Variants in RAET1E observed in about 807,000 individuals in gnomAD.
RAET1E encodes NKG2D ligand 4.
In RAET1E, 27 loss-of-function variants were observed where a neutral mutation model predicts 21.1. The observed-to-expected ratio is 1.28, with a 90% confidence interval of 0.94 to 1.76. The LOEUF is 1.76. RAET1E is among the 40% of genes most tolerant of loss of function. The probability of loss-of-function intolerance (pLI) is 0.00; values close to 1 mark genes in which losing one functional copy is unlikely to be tolerated. For missense variants in RAET1E, 310 were observed against 311.3 expected, an observed-to-expected ratio of 1.00 and a Z score of 0.03; for synonymous variants, 113 against 115.0, an observed-to-expected ratio of 0.98 and a Z score of 0.11.
chr6:149,897,236 C>T (rs968284782), intron 1 of RAET1E, among the ~76,000 whole-genome samples: 25 of 152,054 alleles, frequency 1.6e-4, no homozygotes, highest in African/African-American at 3.6e-4. Context: ...GGTCTCATCA[C>T]GTTGCCCAGG....
chr6:149,894,171 C>A (rs1778022843), intron 2 of RAET1E, among the ~76,000 whole-genome samples: 1 of 152,040 alleles, frequency 6.6e-6, no homozygotes, highest in Non-Finnish European at 1.5e-5. Flanking sequence ...TGTGTCTCTG[C>A]CAGGTTTTGG....
chr6:149,891,316 C>T (rs531255818), intron 2 of RAET1E, among the ~76,000 whole-genome samples: 137 of 152,124 alleles, frequency 9.0e-4, no homozygotes, highest in Non-Finnish European at 1.1e-3. Flanking sequence ...GTACCCCCTG[C>T]CCATTCCTGT....
intron 2 of RAET1E, among the ~76,000 whole-genome samples, chr6:149,891,715 C>T (rs905587795): frequency 3.9e-5 from 6 of 151,934 alleles, no homozygotes; most frequent in Non-Finnish European, 4.4e-5. Flanking sequence ...AGTAAGACTC[C>T]ATCTCTACAA....
Position 149,890,819 on chromosome 6 carries a change from A to G in RAET1E, c.83T>C (p.Val28Ala), listed in dbSNP as rs1777859217. The G allele has an allele frequency of 6.2e-7, 1 of 1,610,598 alleles. No individual in the cohort carries two copies. Among genetic ancestry groups the G allele is most frequent in the Admixed American group, 1.7e-5 (1 of 60,006 alleles). ...LLLLIALEIM[V>A]GGHSLCFNFT... The stretch of plus-strand genomic sequence containing the variant: ...GTTCTTGTGCTCAGGACACTCACCA[A>G]CCATGATCTCCAAGGCTATTAGTAG... Residue 28 changes from valine to alanine, a missense_variant and splice_region_variant, in exon 3 of 6, where the codon GTT becomes GCT. Transcript: ENST00000357183.
At position 149,889,433 on chromosome 6, in the gene RAET1E, C is replaced by CT. The variant is rs1562464769; in HGVS notation, c.536dup (p.Tyr180ValfsTer43). ...CTCCCTTTGAGAGCTTCCTGAAATA[C>CT]TTTTCCAGCCCTCTGTCTTTCTTCC... On this transcript the variant is annotated frameshift_variant, in exon 5 of 6. Coordinates refer to ENST00000357183, the MANE Select transcript of RAET1E (RefSeq NM_001394057.1). LOFTEE classifies it high-confidence loss of function. The CT allele has an allele frequency of 5.6e-6, 9 of 1,614,216 alleles. No individual in the cohort carries two copies. The highest frequency in any genetic ancestry group is 7.6e-6 in the Non-Finnish European group (9 of 1,180,044).
chr6:149,891,806 G>A (rs2115515094), intron 2 of RAET1E, among the ~76,000 whole-genome samples: 1 of 152,138 alleles, frequency 6.6e-6, no homozygotes, highest in African/African-American at 2.4e-5. Flanking sequence ...GTATATACGT[G>A]CCCTGGTAGT....
intron 5 of RAET1E, 69 bp from the exon 6 acceptor site, chr6:149,888,736 T>C (rs1582766372): frequency 6.6e-7 from 1 of 1,508,526 alleles, no homozygotes; most frequent in East Asian, 2.4e-5. Flanking sequence ...CATAAAAATA[T>C]GCTTTCCTTA....
rs1308105268 is a variant in RAET1E at position 149,889,970 on chromosome 6, C to G, written c.261G>C (p.Trp87Cys). Residue 87 changes from tryptophan to cysteine, a missense_variant, in exon 4 of 6, where the codon TGG (tryptophan) becomes TGC (cysteine). Coordinates refer to ENST00000357183, the MANE Select transcript of RAET1E (RefSeq NM_001394057.1). ...LGKKVYATST[W>C]GELTQTLGEV... ...CTCCCAGCGTTTGGGTCAATTCTCC[C>G]CAAGTGCTGGTGGCATATACCTTCT... 2 of 1,614,022 alleles carry G rather than the reference C, an allele frequency of 1.2e-6. No homozygotes were observed. Among genetic ancestry groups the G allele is most frequent in the South Asian group, 2.2e-5 (2 of 91,082 alleles).
chr6:149,889,720 T>C (rs1478069774), intron 4 of RAET1E, 97 bp from the exon 5 acceptor site: 1 of 1,520,192 alleles, frequency 6.6e-7, no homozygotes, highest in Non-Finnish European at 9.0e-7. Flanking sequence ...GGGGTCTGTA[T>C]TCTTTCTGCC....
In RAET1E at chr6:149,887,544, A is replaced by G. The variant is rs1319517794; in HGVS notation, c.*954T>C. Among the ~76,000 whole-genome samples, 2 of 152,220 alleles carry G rather than the reference A, an allele frequency of 1.3e-5. No individual in the cohort carries two copies. Among genetic ancestry groups the G allele is most frequent in the African/African-American group, 4.8e-5 (2 of 41,466 alleles). ...TCACTTTTCATGTCAGGGCCCCTGC[A>G]AAACAGACACATATCTGAGTCATGG... On this transcript the variant is annotated 3_prime_UTR_variant, in exon 6 of 6. Transcript: ENST00000357183.
rs1777543624 is a variant in RAET1E, at chr6:149,884,932, G to C, written c.*3566C>G. 6.6e-6 allele frequency among the ~76,000 whole-genome samples: 1 copy of C among 152,140 alleles called. No homozygotes were observed. The highest frequency in any genetic ancestry group is 2.4e-5 in the African/African-American group (1 of 41,424). On this transcript the variant is annotated 3_prime_UTR_variant, in exon 6 of 6. Transcript: ENST00000357183. ...GGAATCCCACCTTCTAGTCCTTGCTGTCCTCACAGAGTGTCTAGGGTTCAC... is the reference window on the plus strand; with the variant it reads ...GGAATCCCACCTTCTAGTCCTTGCTCTCCTCACAGAGTGTCTAGGGTTCAC...
rs1582755576 is a variant in RAET1E at position 149,884,191 on chromosome 6, C to T, written c.*4307G>A. On this transcript the variant is annotated 3_prime_UTR_variant, in exon 6 of 6. Transcript: ENST00000357183. Reference sequence around the variant, plus strand: ...CAATCTCACGAGCAAAGGCTCACTGCAGCTTCAGATTCCTGGGCTCAAGTG... The same window carrying T: ...CAATCTCACGAGCAAAGGCTCACTGTAGCTTCAGATTCCTGGGCTCAAGTG... 1.0e-5 allele frequency: 4 copies of T among 388,096 alleles called. No individual in the cohort carries two copies. In the South Asian group the frequency reaches 1.6e-4, roughly 16 times the overall value. 24.0% of individuals were successfully genotyped at this position (388,096 alleles called of 1,614,324 possible).
intron 2 of RAET1E, among the ~76,000 whole-genome samples, chr6:149,891,484 T>TTGTGTGTGTGTGTG (rs58899076): frequency 0.02 from 3,023 of 149,894 alleles, 87 homozygotes; most frequent in African/African-American, 0.071. Context: ...CAGATGGGTT[T>TTGTGTGTGTGTGTG]TGTGTGTGTG....
At chr6:149,897,065 G>A (rs925666812) in intron 1 of RAET1E, among the ~76,000 whole-genome samples, 1 of 152,196 alleles carries the variant, frequency 6.6e-6, no homozygotes, top group Non-Finnish European at 1.5e-5. Flanking sequence ...ACCAGGTCTT[G>A]CTCTGTCATC....
At position 149,884,451 on chromosome 6, in the gene RAET1E, C is replaced by A. The variant is rs1464246721; in HGVS notation, c.*4047G>T. 1 of 1,533,678 alleles carries A rather than the reference C, an allele frequency of 6.5e-7. No homozygotes were observed. The highest frequency in any genetic ancestry group is 8.7e-7 in the Non-Finnish European group (1 of 1,144,810). ...GCCAAGGCTGTCAGCGATCGAGGAC[C>A]ACAGGTGAACAACTCTGCGCCGCCG... is the stretch of plus-strand genomic sequence containing the variant. On this transcript the variant is annotated 3_prime_UTR_variant, in exon 6 of 6. Transcript: ENST00000357183.
intron 2 of RAET1E, among the ~76,000 whole-genome samples, chr6:149,893,929 C>T (rs1778011027): frequency 6.6e-6 from 1 of 152,114 alleles, no homozygotes; most frequent in African/African-American, 2.4e-5. Flanking sequence ...TGAATTTTAT[C>T]AAAGTTCTTT....
chr6:149,888,449 G>A lies in RAET1E; in HGVS notation c.*49C>T, dbSNP rs767593651. 8.2e-6 allele frequency: 13 copies of A among 1,593,110 alleles called. No homozygotes were observed. Among genetic ancestry groups the A allele is most frequent in the Middle Eastern group, 1.7e-4 (1 of 5,962 alleles). ...TGTGGAGAGAGATGGATCAGGGAGC[G>A]GGGGCTTGGATGAGACCCATGATTC... On this transcript the variant is annotated 3_prime_UTR_variant, in exon 6 of 6. Coordinates refer to ENST00000357183, the MANE Select transcript of RAET1E (RefSeq NM_001394057.1).
chr6:149,889,730 C>T lies in RAET1E; in HGVS notation c.347-107G>A, dbSNP rs910194112. On this transcript the variant is annotated intron_variant, in intron 4 of 5. Transcript: ENST00000357183. ...ATTTAGGGGTCTGTATTCTTTCTGC[C>T]CAGACTTGCCCTTTCCTGCCCATTG... The T allele has an allele frequency of 3.3e-6, 5 of 1,503,376 alleles. No individual in the cohort carries two copies. In the African/African-American group the frequency reaches 4.2e-5, roughly 13 times the overall value. The allele number at this position is 1,503,376 out of a possible 1,614,324, so 93.1% of individuals were successfully genotyped here.
At position 149,887,128 on chromosome 6, in the gene RAET1E, A is replaced by G. The variant is rs7753544; in HGVS notation, c.*1370T>C. 0.44 allele frequency among the ~76,000 whole-genome samples: 67,145 copies of G among 151,770 alleles called. 15,513 individuals carry two copies. The highest frequency in any genetic ancestry group is 0.88 in the East Asian group (4,527 of 5,126). On this transcript the variant is annotated 3_prime_UTR_variant, in exon 6 of 6. Transcript: ENST00000357183. ...AAGCCCTTCAGCAGCCGACTCGGTT[A>G]CCAGGATGAGGCTAGAGGCCAGGAA...
Sources: allele counts gnomAD v4.1 joint callset (sites outside exome capture counted in the v4.1 genomes callset), GRCh38; gene constraint gnomAD v4.1.1; transcripts MANE v1.5; gene names NCBI Gene and HGNC (gene_info 2026-07-23, HGNC 2026-07-21).